Variants in CUX1 observed in about 807,000 individuals in gnomAD.
CUX1 encodes the protein protein CASP.
A neutral mutation model predicts 158.8 loss-of-function variants in CUX1; 31 were observed. The observed-to-expected ratio is 0.20, with a 90% CI of 0.15 to 0.26. CUX1 has a LOEUF of 0.26. Ranked by LOEUF, CUX1 falls within the 10% of genes least tolerant of loss-of-function variation. CUX1 has a pLI of 1.00. For synonymous variants in CUX1, 879 were observed against 862.1 expected (o/e 1.02, Z -0.34); for missense variants, 1,589 against 2,014.6 (o/e 0.79, Z 4.04).
Position 102,253,377 on chromosome 7 carries a change from A to G in CUX1, c.*4335A>G. On this transcript the variant is annotated 3_prime_UTR_variant, in exon 24 of 24. Transcript: ENST00000292535. ...GCTGTGGGCCTCGGCTGACTACTTTAAGATTATGCCACAGCCAGGCCCTAA... is the reference window on the plus strand; with the variant it reads ...GCTGTGGGCCTCGGCTGACTACTTTGAGATTATGCCACAGCCAGGCCCTAA... The G allele has an allele frequency of 6.1e-6, 6 of 985,458 alleles. No individual in the cohort carries two copies. The highest frequency in any genetic ancestry group is 6.0e-6 in the Non-Finnish European group (5 of 829,972). 61.0% of individuals were successfully genotyped at this position (985,458 alleles called of 1,614,324 possible). A position where few individuals can be genotyped will look rare whatever the true frequency, so the allele number is the denominator to read the frequency against.
intron 2 of CUX1, among the ~76,000 whole-genome samples, chr7:101,982,070 G>A (rs1381831096): frequency 5.3e-5 from 8 of 152,226 alleles, no homozygotes; most frequent in African/African-American, 9.6e-5. Flanking sequence ...TGTCCAAGTC[G>A]ATCTTGGCAG....
At chr7:102,202,308 C>G in intron 18 of CUX1, 104 bp downstream of exon 18, 1 of 1,454,576 alleles carries the variant, frequency 6.9e-7, no homozygotes, top group Non-Finnish European at 9.2e-7. Flanking sequence ...TCAATTCACC[C>G]AAGAGCAGAG....
chr7:102,018,418 G>T (rs1165935776), intron 2 of CUX1, among the ~76,000 whole-genome samples: 1 of 152,280 alleles, frequency 6.6e-6, no homozygotes, highest in Non-Finnish European at 1.5e-5. Flanking sequence ...CATGAGGACA[G>T]TCCTGCAGGA....
intron 4 of CUX1, among the ~76,000 whole-genome samples, chr7:102,088,794 A>G (rs1291255391): frequency 6.6e-6 from 1 of 152,022 alleles, no homozygotes; most frequent in African/African-American, 2.4e-5. Context: ...TCACCATTTA[A>G]GATTTTCCTT....
intron 3 of CUX1, among the ~76,000 whole-genome samples, chr7:102,067,558 T>A (rs902811450): frequency 6.6e-5 from 10 of 151,232 alleles, no homozygotes; most frequent in Non-Finnish European, 1.2e-4. Flanking sequence ...TTTTTTTATA[T>A]AATTAGGAAA....
chr7:102,048,912 C>CA (rs1455563687), intron 3 of CUX1, among the ~76,000 whole-genome samples: 1 of 152,026 alleles, frequency 6.6e-6, no homozygotes, highest in Non-Finnish European at 1.5e-5. Context: ...GACTCTATCT[C>CA]AAAAAAACAA....
chr7:102,274,182 A>T, intron 15 of CUX1: 1 of 1,492,820 alleles, frequency 6.7e-7, no homozygotes, highest in Non-Finnish European at 9.3e-7. Context: ...GGCCATGCTG[A>T]AAGGGAATAT....
At chr7:102,105,677 T>A (rs1830273264) in intron 6 of CUX1, among the ~76,000 whole-genome samples, 1 of 151,870 alleles carries the variant, frequency 6.6e-6, no homozygotes, top group Non-Finnish European at 1.5e-5. Flanking sequence ...CACGCCTGGC[T>A]GACTTTTGTA....
At chr7:102,240,007 C>G (rs1800018759) in intron 23 of CUX1, among the ~76,000 whole-genome samples, 1 of 152,140 alleles carries the variant, frequency 6.6e-6, no homozygotes, top group African/African-American at 2.4e-5. Flanking sequence ...CTCGGCCCCG[C>G]AAAGTGCTGG....
chr7:102,169,024 C>T lies in CUX1; in HGVS notation c.724-1422C>T, dbSNP rs1291277631. 2.0e-5 allele frequency among the ~76,000 whole-genome samples: 3 copies of T among 150,680 alleles called. No individual in the cohort carries two copies. In the East Asian group the frequency reaches 5.8e-4, roughly 29 times the overall value. ...CTCTGCTCACCGCAAACCTCTACCT[C>T]CTGGGTTCAAGCGATTCTTCTGCCT... On this transcript the variant is annotated intron_variant, in intron 9 of 23. Coordinates refer to ENST00000292535, the MANE Select transcript of CUX1 (RefSeq NM_181552.4).
chr7:101,933,444 A>G (rs1295613925), intron 2 of CUX1, among the ~76,000 whole-genome samples: 1 of 152,234 alleles, frequency 6.6e-6, no homozygotes, highest in East Asian at 1.9e-4. Flanking sequence ...CCTTTTTCCT[A>G]GACAAACACT....
intron 1 of CUX1, among the ~76,000 whole-genome samples, chr7:101,888,311 A>T (rs1424461964): frequency 3.9e-5 from 6 of 152,106 alleles, no homozygotes; most frequent in Non-Finnish European, 8.8e-5. Context: ...AGCCTGGGTG[A>T]CAGAGTGAGG....
At chr7:102,194,005 G>A (rs1025334227) in intron 13 of CUX1, 115 bp downstream of exon 13, 15 of 994,482 alleles carry the variant, frequency 1.5e-5, no homozygotes, top group Admixed American at 6.3e-5. Context: ...ACTTACAGCC[G>A]ATGAGTCATA....
At chr7:102,064,955 T>C (rs1825376897) in intron 3 of CUX1, among the ~76,000 whole-genome samples, 1 of 152,092 alleles carries the variant, frequency 6.6e-6, no homozygotes, top group African/African-American at 2.4e-5. Context: ...CGAAGGGTGT[T>C]CCAAGTAAGC....
At chr7:102,194,739 C>T (rs1198852103) in intron 13 of CUX1, among the ~76,000 whole-genome samples, 1 of 150,912 alleles carries the variant, frequency 6.6e-6, no homozygotes, top group African/African-American at 2.4e-5. Flanking sequence ...ATTGACATCC[C>T]AGACCAAGCA....
intron 4 of CUX1, among the ~76,000 whole-genome samples, chr7:102,085,005 T>G (rs1827820871): frequency 6.6e-6 from 1 of 151,942 alleles, no homozygotes; most frequent in African/African-American, 2.4e-5. Flanking sequence ...AACTGTAGAT[T>G]TTTTTGTAGT....
intron 3 of CUX1, among the ~76,000 whole-genome samples, chr7:102,060,643 A>ACACACT (rs768478966): frequency 4.0e-5 from 6 of 150,308 alleles, no homozygotes; most frequent in Non-Finnish European, 5.9e-5. Flanking sequence ...ACACACACAC[A>ACACACT]CTTTGCTGCC....
chr7:101,957,125 G>T (rs1167549538), intron 2 of CUX1, among the ~76,000 whole-genome samples: 1 of 152,052 alleles, frequency 6.6e-6, no homozygotes, highest in Non-Finnish European at 1.5e-5. Context: ...TGTTTCCCAA[G>T]AATATTTACT....
chr7:102,178,678 G>T, intron 11 of CUX1, 21 bp downstream of exon 11: 1 of 1,589,376 alleles, frequency 6.3e-7, no homozygotes, highest in Non-Finnish European at 8.6e-7. Context: ...TGCGGGGCCC[G>T]GGGGTGGCCC....
Sources: gnomAD v4.1 joint callset for allele counts (sites outside exome capture counted in the v4.1 genomes callset) on GRCh38, gnomAD v4.1.1 for gene constraint, MANE v1.5 for transcripts, NCBI Gene and HGNC (gene_info 2026-07-23, HGNC 2026-07-21) for gene names.